The following C19orf81 variants were observed in gnomAD, a reference collection of about 807,000 sequenced individuals.
C19orf81 encodes the protein putative uncharacterized protein C19orf81.
A neutral mutation model predicts 22.1 loss-of-function variants in C19orf81; 19 were observed. The observed-to-expected ratio is 0.86, with a 90% CI of 0.60 to 1.26. C19orf81 has a LOEUF of 1.26. Among genes scored for constraint, C19orf81 ranks in the 50% most tolerant of loss-of-function variants. The pLI is 0.00. For missense variants in C19orf81, 287 were observed against 280.7 expected, an observed-to-expected ratio of 1.02 and a Z score of -0.16; for synonymous variants, 108 against 113.1, an observed-to-expected ratio of 0.95 and a Z score of 0.29.
Position 50,659,025 on chromosome 19 carries a change from C to A in C19orf81, c.480C>A (p.His160Gln). 1 of 1,529,486 alleles carries A rather than the reference C, an allele frequency of 6.5e-7. No homozygotes were observed. The highest frequency in any genetic ancestry group is 1.2e-5 in the South Asian group (1 of 83,048). 94.7% of individuals were successfully genotyped at this position (1,529,486 alleles called of 1,614,324 possible). The change falls in exon 5 of 5, where the codon CAC becomes CAA. Residue 160 changes from histidine to glutamine, a missense_variant. Physicochemically the swap from His to Gln is conservative, Grantham distance 24. Transcript: ENST00000425202. Reference sequence around the variant, plus strand: ...GGCTCAGTCCCCGCGGGCTTGCGCACCAGATCGTGCGCCACGACGACCTCC... The same window carrying A: ...GGCTCAGTCCCCGCGGGCTTGCGCAACAGATCGTGCGCCACGACGACCTCC... The part of the protein sequence containing the change: ...RSGLSPRGLA[H>Q]QIVRHDDLLL...
intron 1 of C19orf81, among the ~76,000 whole-genome samples, chr19:50,655,451 T>C (rs946209158): frequency 6.6e-6 from 1 of 151,896 alleles, no homozygotes; most frequent in African/African-American, 2.4e-5. Context: ...GAGATTGAGA[T>C]CATCCTGGCT....
rs1378560973 is a variant in C19orf81, at chr19:50,658,984, C to T, written c.439C>T (p.Arg147Cys). ...IAVTDFQTRS[R>C]LLRSGLSPRG... ...GGTCACGGACTTCCAGACGCGCTCG[C>T]GCTTGCTGCGCTCCGGGCTCAGTCC... The change falls in exon 5 of 5, where the codon CGC (arginine) becomes TGC (cysteine). Residue 147 changes from arginine (R) to cysteine (C), a missense_variant. Coordinates refer to ENST00000425202, the MANE Select transcript of C19orf81 (RefSeq NM_001195076.2). 3 of 1,520,292 alleles carry T rather than the reference C, an allele frequency of 2.0e-6. No homozygotes were observed. Among genetic ancestry groups the T allele is most frequent in the Non-Finnish European group, 1.8e-6 (2 of 1,137,956 alleles). The allele number at this position is 1,520,292 out of a possible 1,614,324, so 94.2% of individuals were successfully genotyped here.
chr19:50,655,204 G>C (rs1380405360), intron 1 of C19orf81, among the ~76,000 whole-genome samples: 1 of 152,106 alleles, frequency 6.6e-6, no homozygotes, highest in Non-Finnish European at 1.5e-5. Context: ...AGGATTGTAG[G>C]GGAAGGGGAA....
Position 50,656,109 on chromosome 19 carries a change from C to T in C19orf81, c.127C>T (p.Pro43Ser), listed in dbSNP as rs1984988773. The T allele has an allele frequency of 6.5e-7, 1 of 1,536,154 alleles. No individual in the cohort carries two copies. The highest frequency in any genetic ancestry group is 8.7e-7 in the Non-Finnish European group (1 of 1,146,912). Reference sequence around the variant, plus strand: ...GATGCAGGCTCGGAGCCTGGGCAGGCCCATCAAATCCTCGTGAGTTGTCCC... The same window carrying T: ...GATGCAGGCTCGGAGCCTGGGCAGGTCCATCAAATCCTCGTGAGTTGTCCC... ...EEMQARSLGR[P>S]IKSSKQYLRQ... The change falls in exon 2 of 5, where the codon CCC becomes TCC. Residue 43 changes from proline to serine, a missense_variant. Physicochemically the swap from Pro to Ser is moderately conservative, Grantham distance 74 (BLOSUM62 -1). Coordinates refer to ENST00000425202, the MANE Select transcript of C19orf81 (RefSeq NM_001195076.2).
At chr19:50,656,679 C>T (rs553479758) in intron 3 of C19orf81, among the ~76,000 whole-genome samples, 6 of 152,198 alleles carry the variant, frequency 3.9e-5, no homozygotes, top group South Asian at 4.1e-4. Context: ...GTGTCGGGTG[C>T]GGTGGCTCAC....
At chr19:50,651,477 T>C (rs1280672628) in intron 1 of C19orf81, among the ~76,000 whole-genome samples, 2 of 152,170 alleles carry the variant, frequency 1.3e-5, no homozygotes, top group African/African-American at 4.8e-5. Context: ...CACATTGCCC[T>C]TTATCTGAGA....
chr19:50,656,587 G>C lies in C19orf81; in HGVS notation c.261+241G>C, dbSNP rs78586387. On this transcript the variant is annotated intron_variant, in intron 3 of 4. Transcript: ENST00000425202. Reference sequence around the variant, plus strand: ...AAGAAAGGGGAGGCTGAGGGGGGCAGGGAGGGAGGACAAAAGGAGTCCTAC... The same window carrying C: ...AAGAAAGGGGAGGCTGAGGGGGGCACGGAGGGAGGACAAAAGGAGTCCTAC... Among the ~76,000 whole-genome samples, 1,037 of 152,242 alleles carry C rather than the reference G, an allele frequency of 6.8e-3. 14 individuals are homozygous for C. The highest frequency in any genetic ancestry group is 0.024 in the African/African-American group (979 of 41,536).
chr19:50,658,444 C>T (rs894146971), intron 4 of C19orf81: 1 of 313,946 alleles, frequency 3.2e-6, no homozygotes, highest in Non-Finnish European at 5.9e-6. Context: ...CACTGAGGGG[C>T]GGGGCCAAGA....
intron 1 of C19orf81, chr19:50,649,892 G>T: frequency 2.2e-6 from 1 of 458,548 alleles, no homozygotes; most frequent in Non-Finnish European, 4.4e-6. Flanking sequence ...TGGCCCCACC[G>T]CCAACCCAGT....
At chr19:50,649,887 C>G (rs1984841311) in intron 1 of C19orf81, 1 of 461,020 alleles carries the variant, frequency 2.2e-6, no homozygotes. Flanking sequence ...TCAAATGGCC[C>G]CACCGCCAAC....
intron 3 of C19orf81, among the ~76,000 whole-genome samples, chr19:50,656,719 AGGTG>A (rs1455057883): frequency 6.6e-6 from 1 of 152,154 alleles, no homozygotes; most frequent in Non-Finnish European, 1.5e-5. Flanking sequence ...TGGGAGGCTG[AGGTG>A]GGTGGATCAC....
chr19:50,649,631 C>T (rs983156240), intron 1 of C19orf81, 120 bp downstream of exon 1: 14 of 1,112,600 alleles, frequency 1.3e-5, no homozygotes, highest in Admixed American at 2.0e-5. Flanking sequence ...AAAGCCATCC[C>T]TAGCATTCCT....
At chr19:50,649,868 T>A (rs117072675) in intron 1 of C19orf81, 7,907 of 471,530 alleles carry the variant, frequency 0.017, 109 homozygotes, top group Non-Finnish European at 0.023. Context: ...TCCTTCCTGG[T>A]TTCCATTTTC....
At chr19:50,656,504 T>C (rs1984997231) in intron 3 of C19orf81, among the ~76,000 whole-genome samples, 158 bp downstream of exon 3, 1 of 152,076 alleles carries the variant, frequency 6.6e-6, no homozygotes, top group South Asian at 2.1e-4. Context: ...GATTGTGAAT[T>C]TGTCAAAGGG....
chr19:50,656,343 C>T lies in C19orf81; in HGVS notation c.258C>T (p.Thr86=). Residue 86 remains threonine, a synonymous_variant, in exon 3 of 5, where the codon ACC becomes ACT. Transcript: ENST00000425202. ...ASQPLCLCME[T]LPEEDFTHLE... is the part of the protein sequence containing the mutation. ...AGCCCCTCTGCCTCTGCATGGAGAC[C>T]TTGGTGAGTGGACCTGTGCCCTTAT... is the stretch of plus-strand genomic sequence containing the variant. 6.5e-7 allele frequency: 1 copy of T among 1,535,022 alleles called. No homozygotes were observed. The highest frequency in any genetic ancestry group is 8.7e-7 in the Non-Finnish European group (1 of 1,146,228).
At position 50,656,623 on chromosome 19, in the gene C19orf81, C is replaced by A. The variant is rs367941502; in HGVS notation, c.261+277C>A. ...CAAAAGGAGTCCTACTAATCCACTT[C>A]TGTAAAGTTTACAAATATAACAAAA... On this transcript the variant is annotated intron_variant, in intron 3 of 4. Transcript: ENST00000425202. Among the ~76,000 whole-genome samples, 10 of 152,162 alleles carry A rather than the reference C, an allele frequency of 6.6e-5. No individual in the cohort carries two copies. The East Asian group carries it at 1.9e-3, about 30-fold the overall frequency.
In C19orf81 at chr19:50,659,151, C is replaced by A. The variant is rs1363824717; in HGVS notation, c.*9C>A. On this transcript the variant is annotated 3_prime_UTR_variant, in exon 5 of 5. Transcript: ENST00000425202. Reference sequence around the variant, plus strand: ...CGAACGAGGAGGCCTGACGCCCGGGCGGGCCCCGGCAGCGCTTGCGCACCG... The same window carrying A: ...CGAACGAGGAGGCCTGACGCCCGGGAGGGCCCCGGCAGCGCTTGCGCACCG... 3 of 1,314,140 alleles carry A rather than the reference C, an allele frequency of 2.3e-6. No homozygotes were observed. The highest frequency in any genetic ancestry group is 4.1e-5 in the Admixed American group (1 of 24,652). The allele number at this position is 1,314,140 out of a possible 1,614,324, so 81.4% of individuals were successfully genotyped here.
At chr19:50,653,694 AC>A (rs1984928400) in intron 1 of C19orf81, among the ~76,000 whole-genome samples, 2 of 107,424 alleles carry the variant, frequency 1.9e-5, no homozygotes, top group Non-Finnish European at 3.4e-5. Flanking sequence ...ACACACACAC[AC>A]ACACACACAC....
In C19orf81 at chr19:50,657,251, G is replaced by C. The variant is rs58683118; in HGVS notation, c.262-738G>C. 6.4e-3 allele frequency among the ~76,000 whole-genome samples: 975 copies of C among 152,256 alleles called. 16 individuals are homozygous for C. Among genetic ancestry groups the C allele is most frequent in the African/African-American group, 0.022 (914 of 41,544 alleles). On this transcript the variant is annotated intron_variant, in intron 3 of 4. Transcript: ENST00000425202. ...CCTGCATACAGGGATTGCTGTCCTCGTTTTAGGGATCAGTCTCCACCCCAT... is the reference window on the plus strand; with the variant it reads ...CCTGCATACAGGGATTGCTGTCCTCCTTTTAGGGATCAGTCTCCACCCCAT...
Sources: allele counts gnomAD v4.1 joint callset (sites outside exome capture counted in the v4.1 genomes callset), GRCh38; gene constraint gnomAD v4.1.1; transcripts MANE v1.5; gene names NCBI Gene and HGNC (gene_info 2026-07-23, HGNC 2026-07-21).